The following CCDC178 variants were observed in gnomAD, a reference collection of about 807,000 sequenced individuals.
CCDC178 encodes the protein coiled-coil domain-containing protein 178.
CCDC178 carries 126 observed loss-of-function variants against 117.4 expected under a neutral mutation model. The observed-to-expected ratio is 1.07, with a 90% CI of 0.93 to 1.24. The LOEUF is 1.24. CCDC178 is among the 50% of genes most tolerant of loss of function. CCDC178 has a pLI of 0.00. For synonymous variants in CCDC178, 283 were observed against 313.4 expected, an observed-to-expected ratio of 0.90 and a Z score of 1.02; for missense variants, 1,030 against 986.9, an observed-to-expected ratio of 1.04 and a Z score of -0.59.
chr18:32,952,170 G>T (rs1237848548), intron 22 of CCDC178, among the ~76,000 whole-genome samples: 1 of 152,232 alleles, frequency 6.6e-6, no homozygotes, highest in Non-Finnish European at 1.5e-5. Context: ...TTGGAGGACA[G>T]TGGCTGTCTT....
chr18:33,394,985 ATATG>A (rs1219975220), intron 4 of CCDC178, among the ~76,000 whole-genome samples: 26 of 128,052 alleles, frequency 2.0e-4, no homozygotes, highest in African/African-American at 7.3e-4. Context: ...ATATATATAT[ATATG>A]TATACATATA....
intron 15 of CCDC178, among the ~76,000 whole-genome samples, chr18:33,234,284 C>T (rs67772507): frequency 0.062 from 9,455 of 152,064 alleles, 472 homozygotes; most frequent in African/African-American, 0.13. Context: ...CCCTTTTTCC[C>T]GGCAACCATT....
intron 20 of CCDC178, among the ~76,000 whole-genome samples, chr18:33,143,897 G>A (rs1289887092): frequency 2.0e-5 from 3 of 151,950 alleles, no homozygotes; most frequent in African/African-American, 4.8e-5. Flanking sequence ...TTGTATTAGG[G>A]CTTAGTAGAA....
At chr18:33,074,634 G>A (rs1265340798) in intron 21 of CCDC178, among the ~76,000 whole-genome samples, 3 of 152,150 alleles carry the variant, frequency 2.0e-5, no homozygotes, top group Admixed American at 6.5e-5. Context: ...AGTGAGGTGG[G>A]AGGAAAATAG....
chr18:33,043,923 T>C (rs1030263042), intron 21 of CCDC178, among the ~76,000 whole-genome samples: 1 of 151,806 alleles, frequency 6.6e-6, no homozygotes, highest in Non-Finnish European at 1.5e-5. Context: ...CTAGATACTA[T>C]GCTAAAGAAG....
At chr18:33,393,384 G>A (rs2063588599) in intron 4 of CCDC178, among the ~76,000 whole-genome samples, 1 of 151,924 alleles carries the variant, frequency 6.6e-6, no homozygotes, top group Non-Finnish European at 1.5e-5. Flanking sequence ...TAGCATACAT[G>A]GAAGAAAATG....
intron 21 of CCDC178, among the ~76,000 whole-genome samples, chr18:33,086,233 A>AT (rs1356790853): frequency 6.6e-6 from 1 of 151,950 alleles, no homozygotes; most frequent in Non-Finnish European, 1.5e-5. Context: ...CAAAGAACAT[A>AT]TTTATTTGAA....
intron 21 of CCDC178, among the ~76,000 whole-genome samples, chr18:33,024,648 T>C (rs925322637): frequency 2.6e-5 from 4 of 151,960 alleles, no homozygotes; most frequent in East Asian, 1.9e-4. Context: ...TTATTATTAT[T>C]ATCATTTTTT....
intron 20 of CCDC178, among the ~76,000 whole-genome samples, chr18:33,181,317 C>T (rs920563214): frequency 7.2e-5 from 11 of 151,928 alleles, no homozygotes; most frequent in Non-Finnish European, 1.2e-4. Context: ...AGCTGTGAAC[C>T]ACTCAAATGC....
At chr18:33,230,290 C>T (rs1168240674) in intron 15 of CCDC178, among the ~76,000 whole-genome samples, 1 of 151,654 alleles carries the variant, frequency 6.6e-6, no homozygotes, top group Non-Finnish European at 1.5e-5. Context: ...ATTATCATAT[C>T]CATTAGTGAA....
chr18:33,100,068 C>T (rs1304243862), intron 20 of CCDC178, among the ~76,000 whole-genome samples: 1 of 151,840 alleles, frequency 6.6e-6, no homozygotes, highest in East Asian at 1.9e-4. Context: ...GTGGAGGCAC[C>T]TTTATGACAC....
At chr18:33,093,022 A>C (rs1262465813) in intron 20 of CCDC178, 112 bp from the exon 21 acceptor site, 2 of 587,614 alleles carry the variant, frequency 3.4e-6, no homozygotes, top group African/African-American at 3.9e-5. Context: ...AACATGCTCT[A>C]TTATGTATAG....
chr18:33,027,830 C>G (rs1218707718), intron 21 of CCDC178, among the ~76,000 whole-genome samples: 1 of 151,470 alleles, frequency 6.6e-6, no homozygotes, highest in Non-Finnish European at 1.5e-5. Context: ...ATTAGTATCA[C>G]AAAGATAACT....
chr18:33,228,710 C>T (rs544668497), intron 15 of CCDC178, among the ~76,000 whole-genome samples: 12 of 152,276 alleles, frequency 7.9e-5, no homozygotes, highest in African/African-American at 2.9e-4. Context: ...GGTTAAATGA[C>T]CAGTCACCAG....
At chr18:33,361,660 A>G (rs1323220246) in intron 6 of CCDC178, among the ~76,000 whole-genome samples, 2 of 151,792 alleles carry the variant, frequency 1.3e-5, no homozygotes, top group African/African-American at 4.8e-5. Context: ...GACATGACGT[A>G]TCTTCAAAAA....
intron 3 of CCDC178, among the ~76,000 whole-genome samples, chr18:33,405,261 T>C (rs1411397247): frequency 6.6e-6 from 1 of 151,784 alleles, no homozygotes; most frequent in East Asian, 1.9e-4. Flanking sequence ...ATGTTATTTA[T>C]ATAATTTAAA....
intron 14 of CCDC178, among the ~76,000 whole-genome samples, chr18:33,250,101 AC>A (rs1275694312): frequency 4.0e-5 from 6 of 151,870 alleles, no homozygotes; most frequent in African/African-American, 1.4e-4. Flanking sequence ...CATTTTAGCC[AC>A]TGGAAAGTGA....
At chr18:33,049,899 T>C (rs1486954193) in intron 21 of CCDC178, among the ~76,000 whole-genome samples, 1 of 151,192 alleles carries the variant, frequency 6.6e-6, no homozygotes. Context: ...CTGGCCAACA[T>C]GGTGAAACCC....
chr18:33,108,319 T>C (rs2057735779), intron 20 of CCDC178, among the ~76,000 whole-genome samples: 1 of 151,664 alleles, frequency 6.6e-6, no homozygotes, highest in African/African-American at 2.4e-5. Flanking sequence ...AAAATTTAAA[T>C]AAGTATCTTA....
Sources: gnomAD v4.1 joint callset for allele counts (sites outside exome capture counted in the v4.1 genomes callset) on GRCh38, gnomAD v4.1.1 for gene constraint, MANE v1.5 for transcripts, NCBI Gene and HGNC (gene_info 2026-07-23, HGNC 2026-07-21) for gene names.